The following MAPK8 variants were observed in gnomAD, a reference collection of about 807,000 sequenced individuals.
MAPK8 encodes the protein JUN N-terminal kinase.
In MAPK8, 13 loss-of-function variants were observed where a neutral mutation model predicts 52.9. The observed-to-expected ratio is 0.25, with a 90% CI of 0.16 to 0.39. MAPK8 has a LOEUF of 0.39. Ranked by LOEUF, MAPK8 falls within the 10% of genes least tolerant of loss-of-function variation. The pLI is 1.00. For missense variants in MAPK8, 300 were observed against 519.2 expected, an observed-to-expected ratio of 0.58 and a Z score of 4.10; for synonymous variants, 191 against 169.8, an observed-to-expected ratio of 1.12 and a Z score of -0.97.
At chr10:48,327,337 A>G (rs1344054280) in intron 1 of MAPK8, among the ~76,000 whole-genome samples, 1 of 152,210 alleles carries the variant, frequency 6.6e-6, no homozygotes, top group Non-Finnish European at 1.5e-5. Flanking sequence ...ATCCATTGAT[A>G]TGACCATTTG....
intron 1 of MAPK8, among the ~76,000 whole-genome samples, chr10:48,323,319 T>G (rs1843165752): frequency 6.6e-6 from 1 of 152,146 alleles, no homozygotes; most frequent in Non-Finnish European, 1.5e-5. Context: ...AGAATCTAGG[T>G]ATTGTGGGGG....
chr10:48,309,907 C>T (rs1841807586), intron 1 of MAPK8, among the ~76,000 whole-genome samples: 1 of 152,184 alleles, frequency 6.6e-6, no homozygotes, highest in Non-Finnish European at 1.5e-5. Context: ...AACCACATAG[C>T]TTTATATATG....
intron 1 of MAPK8, among the ~76,000 whole-genome samples, chr10:48,359,862 TAATC>T (rs1030482273): frequency 6.6e-6 from 1 of 152,222 alleles, no homozygotes; most frequent in East Asian, 1.9e-4. Context: ...GAAAGATTCT[TAATC>T]AAGACACAGA....
intron 1 of MAPK8, among the ~76,000 whole-genome samples, chr10:48,333,214 C>G (rs763835218): frequency 4.6e-5 from 7 of 152,190 alleles, no homozygotes; most frequent in Non-Finnish European, 1.0e-4. Context: ...TTTGTTGTTA[C>G]GACCAAGTCA....
At chr10:48,413,806 C>G (rs1419000937) in intron 5 of MAPK8, among the ~76,000 whole-genome samples, 1 of 76,776 alleles carries the variant, frequency 1.3e-5, no homozygotes, top group Non-Finnish European at 2.4e-5. Flanking sequence ...TGAGTATTTG[C>G]CAGAATTGTT....
chr10:48,413,653 T>G (rs1397005794), intron 5 of MAPK8, among the ~76,000 whole-genome samples: 1 of 151,708 alleles, frequency 6.6e-6, no homozygotes, highest in African/African-American at 2.4e-5. Context: ...CTCATCAAAT[T>G]CTTAGTATCA....
At chr10:48,425,780 C>G in intron 7 of MAPK8, 108 bp from the exon 8 acceptor site, 2 of 603,236 alleles carry the variant, frequency 3.3e-6, no homozygotes, top group Non-Finnish European at 5.4e-6. Flanking sequence ...TTTATAACTG[C>G]CACATCCTTT....
At position 48,420,803 on chromosome 10, in the gene MAPK8, T is replaced by C. The variant is rs148787186; in HGVS notation, c.616+483T>C. ...CTGATGGATAATTAAGGTGACCTCT[T>C]GAAGGAAGCAGTAAAGTTTCATTAA... On this transcript the variant is annotated intron_variant, in intron 6 of 11. Coordinates refer to ENST00000374189, the MANE Select transcript of MAPK8 (RefSeq NM_001323329.2). 3.3e-4 allele frequency among the ~76,000 whole-genome samples: 51 copies of C among 152,342 alleles called. 2 individuals carry two copies. The East Asian group carries it at 9.5e-3, about 28-fold the overall frequency.
chr10:48,414,568 ATTTTTTTTTTTT>A (rs3047769), intron 5 of MAPK8, among the ~76,000 whole-genome samples: 6 of 88,446 alleles, frequency 6.8e-5, no homozygotes, highest in Non-Finnish European at 8.5e-5. Context: ...GTTGAAAAGA[ATTTTTTTTTTTT>A]TTTTTTTTTT....
At chr10:48,347,723 G>T (rs1845926915) in intron 1 of MAPK8, among the ~76,000 whole-genome samples, 1 of 152,142 alleles carries the variant, frequency 6.6e-6, no homozygotes, top group Non-Finnish European at 1.5e-5. Flanking sequence ...CAAAGGACAT[G>T]AACTCATCCT....
chr10:48,319,909 GTTTTTTTTTCTTTTCT>G (rs1206944995), intron 1 of MAPK8, among the ~76,000 whole-genome samples: 1 of 149,268 alleles, frequency 6.7e-6, no homozygotes, highest in Non-Finnish European at 1.5e-5. Context: ...CTTCGTTTCT[GTTTTTTTTTCTTTTCT>G]TTTTTTTTGA....
chr10:48,358,140 T>C (rs1042198135), intron 1 of MAPK8, among the ~76,000 whole-genome samples: 3 of 152,226 alleles, frequency 2.0e-5, no homozygotes, highest in South Asian at 2.1e-4. Flanking sequence ...TCCACGTTTT[T>C]GTTTGAGTAT....
At chr10:48,365,680 G>T (rs1201132463) in intron 1 of MAPK8, among the ~76,000 whole-genome samples, 1 of 152,080 alleles carries the variant, frequency 6.6e-6, no homozygotes, top group Non-Finnish European at 1.5e-5. Context: ...TGTCTATAAA[G>T]AATCTTTGAC....
intron 1 of MAPK8, among the ~76,000 whole-genome samples, chr10:48,376,019 T>C (rs191194695): frequency 3.3e-5 from 5 of 152,300 alleles, no homozygotes; most frequent in Admixed American, 6.5e-5. Flanking sequence ...TAAAACAGTA[T>C]GGTACTGATA....
chr10:48,425,464 G>T, intron 7 of MAPK8: 1 of 410,662 alleles, frequency 2.4e-6, no homozygotes, highest in Non-Finnish European at 4.3e-6. Flanking sequence ...AGTAAAACAG[G>T]ATGTGTTCTA....
intron 6 of MAPK8, among the ~76,000 whole-genome samples, chr10:48,423,223 T>G (rs2043470160): frequency 6.6e-6 from 1 of 152,210 alleles, no homozygotes; most frequent in African/African-American, 2.4e-5. Flanking sequence ...CTTGTCAACA[T>G]TGATTGGGAT....
At chr10:48,321,404 T>C (rs775864252) in intron 1 of MAPK8, among the ~76,000 whole-genome samples, 10 of 152,304 alleles carry the variant, frequency 6.6e-5, no homozygotes, top group Middle Eastern at 3.4e-3. Context: ...CTTTATATAT[T>C]ATAGATACAA....
At chr10:48,429,098 A>C (rs1456328081) in intron 10 of MAPK8, among the ~76,000 whole-genome samples, 2 of 151,692 alleles carry the variant, frequency 1.3e-5, no homozygotes, top group Non-Finnish European at 2.9e-5. Flanking sequence ...CTGGGATTAT[A>C]AGTCTTAAGC....
chr10:48,350,803 A>G (rs1030738226), intron 1 of MAPK8, among the ~76,000 whole-genome samples: 11 of 152,340 alleles, frequency 7.2e-5, no homozygotes, highest in East Asian at 5.8e-4. Context: ...GGGTTATTCA[A>G]ATAGGAAGAT....
Sources: allele counts gnomAD v4.1 joint callset (sites outside exome capture counted in the v4.1 genomes callset), GRCh38; gene constraint gnomAD v4.1.1; transcripts MANE v1.5; gene names NCBI Gene and HGNC (gene_info 2026-07-23, HGNC 2026-07-21).